RALGPS2: variants seen among roughly 807,000 people sequenced by gnomAD.
The protein encoded by RALGPS2 is ras-specific guanine nucleotide-releasing factor RalGPS2.
Under a neutral mutation model 86.8 loss-of-function variants are expected in RALGPS2, and 43 were observed. That is an observed-to-expected ratio of 0.50 (90% CI 0.39 to 0.64). The LOEUF (loss-of-function observed/expected upper bound fraction) is 0.64, where lower values mean the gene tolerates loss of function less well. Among genes scored for constraint, RALGPS2 ranks in the 30% least tolerant of loss-of-function variants. RALGPS2 has a pLI of 0.00. For synonymous variants in RALGPS2, 243 were observed against 231.3 expected (o/e 1.05, Z -0.46); for missense variants, 536 against 694.6 (o/e 0.77, Z 2.57).
chr1:178,912,803 G>T (rs1660673864), intron 19 of RALGPS2, among the ~76,000 whole-genome samples: 1 of 152,024 alleles, frequency 6.6e-6, no homozygotes, highest in South Asian at 2.1e-4. Flanking sequence ...TCCTTTTCTT[G>T]CAGTAACACC....
At chr1:178,901,375 T>C (rs964181433) in intron 17 of RALGPS2, among the ~76,000 whole-genome samples, 1 of 152,040 alleles carries the variant, frequency 6.6e-6, no homozygotes, top group Non-Finnish European at 1.5e-5. Context: ...TGTTTTACCA[T>C]GTACACGTCC....
At chr1:178,766,142 G>T (rs1652496115) in intron 1 of RALGPS2, among the ~76,000 whole-genome samples, 1 of 152,156 alleles carries the variant, frequency 6.6e-6, no homozygotes. Context: ...TTCAGAGTTT[G>T]CAGTAAAGAC....
chr1:178,850,163 T>C (rs1657080703), intron 8 of RALGPS2: 2 of 152,670 alleles, frequency 1.3e-5, no homozygotes. Context: ...TTCCTTGAGT[T>C]TGTTTTAGTC....
chr1:178,790,840 G>GT (rs1188413739), intron 4 of RALGPS2, among the ~76,000 whole-genome samples: 2 of 152,144 alleles, frequency 1.3e-5, no homozygotes, highest in Non-Finnish European at 2.9e-5. Flanking sequence ...ATGGCAGCCA[G>GT]TTTAGTGTAT....
intron 6 of RALGPS2, among the ~76,000 whole-genome samples, chr1:178,817,750 G>A (rs1046564454): frequency 4.6e-5 from 7 of 152,058 alleles, no homozygotes. Flanking sequence ...CCACAAACAT[G>A]GTTTATTTCT....
chr1:178,821,634 T>G lies in RALGPS2; in HGVS notation c.410T>G (p.Leu137Arg), dbSNP rs373250030. 2 of 1,613,500 alleles carry G rather than the reference T, an allele frequency of 1.2e-6. No individual in the cohort carries two copies. The highest frequency in any genetic ancestry group is 1.7e-5 in the Admixed American group (1 of 59,944). Reference sequence around the variant, plus strand: ...CAGAAACTGTATGAGCTGAATAACCTTCATGCACTTATGGCAGTGGTTTCT... The same window carrying G: ...CAGAAACTGTATGAGCTGAATAACCGTCATGCACTTATGGCAGTGGTTTCT... ...TAKKLYELNN[L>R]HALMAVVSGL... The change falls in exon 7 of 20, where the codon CTT becomes CGT. Residue 137 changes from leucine (L) to arginine (R), a missense_variant. Physicochemically the swap from Leu to Arg is moderately radical, Grantham distance 102. Coordinates refer to ENST00000367635, the MANE Select transcript of RALGPS2 (RefSeq NM_152663.5).
chr1:178,730,037 G>T (rs1650246623), intron 1 of RALGPS2, among the ~76,000 whole-genome samples: 1 of 152,158 alleles, frequency 6.6e-6, no homozygotes, highest in Admixed American at 6.6e-5. Context: ...CACCTCTTGG[G>T]TTCAACTGAT....
intron 1 of RALGPS2, among the ~76,000 whole-genome samples, chr1:178,744,424 T>C (rs1164724494): frequency 6.6e-6 from 1 of 152,176 alleles, no homozygotes; most frequent in Non-Finnish European, 1.5e-5. Context: ...CTGAATGCTT[T>C]TTCTCTAAGA....
intron 4 of RALGPS2, among the ~76,000 whole-genome samples, chr1:178,793,725 T>C (rs1180534934): frequency 6.6e-6 from 1 of 152,188 alleles, no homozygotes; most frequent in Non-Finnish European, 1.5e-5. Flanking sequence ...GATTGATAAA[T>C]GACCATTTCA....
chr1:178,785,654 T>A (rs769564862), intron 4 of RALGPS2, 47 bp downstream of exon 4: 3 of 1,525,354 alleles, frequency 2.0e-6, no homozygotes, highest in Non-Finnish European at 2.6e-6. Context: ...AAACGATCAA[T>A]CTCAAATTAA....
intron 2 of RALGPS2, among the ~76,000 whole-genome samples, chr1:178,782,827 C>T (rs1263223025): frequency 6.6e-6 from 1 of 152,078 alleles, no homozygotes; most frequent in Non-Finnish European, 1.5e-5. Flanking sequence ...GACTCAGACA[C>T]CTATAACAAC....
chr1:178,736,202 G>C (rs1037092810), intron 1 of RALGPS2, among the ~76,000 whole-genome samples: 4 of 146,154 alleles, frequency 2.7e-5, no homozygotes, highest in African/African-American at 1.0e-4. Context: ...GTCTCACTGT[G>C]TCGCCCAGCC....
chr1:178,833,669 A>T (rs927191551), intron 8 of RALGPS2, 119 bp downstream of exon 8: 24 of 1,397,380 alleles, frequency 1.7e-5, no homozygotes, highest in Middle Eastern at 4.9e-4. Flanking sequence ...TTACTTCAAG[A>T]TTGGTAAGCT....
intron 7 of RALGPS2, among the ~76,000 whole-genome samples, chr1:178,823,981 C>T (rs1487167391): frequency 6.6e-6 from 1 of 152,032 alleles, no homozygotes; most frequent in Non-Finnish European, 1.5e-5. Flanking sequence ...CCAGGATTCC[C>T]AAGTAGAGAT....
At chr1:178,870,096 C>T (rs1658657697) in intron 8 of RALGPS2, among the ~76,000 whole-genome samples, 1 of 152,098 alleles carries the variant, frequency 6.6e-6, no homozygotes, top group African/African-American at 2.4e-5. Flanking sequence ...TAATTTCTGT[C>T]ATCCAAATTA....
At chr1:178,897,144 C>A (rs993034153) in intron 16 of RALGPS2, among the ~76,000 whole-genome samples, 2 of 151,952 alleles carry the variant, frequency 1.3e-5, no homozygotes, top group South Asian at 2.1e-4. Context: ...ACAGACACTT[C>A]TCAAAAGAAG....
At chr1:178,820,566 GAACCCTATATATACTTTTATTTATAT>G (rs1189275331) in intron 6 of RALGPS2, among the ~76,000 whole-genome samples, 2 of 152,088 alleles carry the variant, frequency 1.3e-5, no homozygotes, top group African/African-American at 4.8e-5. Context: ...TTATTCTGTA[GAACCCTATATATACTTTTATTTATAT>G]AACCCTATAT....
At chr1:178,835,260 A>G (rs1411986927) in intron 8 of RALGPS2, among the ~76,000 whole-genome samples, 2 of 152,212 alleles carry the variant, frequency 1.3e-5, no homozygotes, top group African/African-American at 4.8e-5. Context: ...ATGACTCTAC[A>G]GTCCTTATTT....
chr1:178,731,540 C>T (rs947438944), intron 1 of RALGPS2, among the ~76,000 whole-genome samples: 2 of 152,060 alleles, frequency 1.3e-5, no homozygotes, highest in Non-Finnish European at 2.9e-5. Context: ...ACCTCGGCCT[C>T]TCAGAGTGCT....
Sources: allele counts gnomAD v4.1 joint callset (sites outside exome capture counted in the v4.1 genomes callset), GRCh38; gene constraint gnomAD v4.1.1; transcripts MANE v1.5; gene names NCBI Gene and HGNC (gene_info 2026-07-23, HGNC 2026-07-21).